SEMA3F: variants seen among roughly 807,000 people sequenced by gnomAD.
SEMA3F encodes the protein semaphorin-3F.
A neutral mutation model predicts 98.5 loss-of-function variants in SEMA3F; 30 were observed. The observed-to-expected ratio is 0.30, with a 90% CI of 0.23 to 0.41. The LOEUF (loss-of-function observed/expected upper bound fraction) is 0.41, where lower values mean the gene tolerates loss of function less well. Ranked by LOEUF, SEMA3F falls within the 10% of genes least tolerant of loss-of-function variation. The probability of loss-of-function intolerance (pLI) is 1.00; values close to 1 mark genes in which losing one functional copy is unlikely to be tolerated. For missense variants in SEMA3F, 866 were observed against 1,119.3 expected, an observed-to-expected ratio of 0.77 and a Z score of 3.23; for synonymous variants, 380 against 444.8, an observed-to-expected ratio of 0.85 and a Z score of 1.83.
chr3:50,157,979 C>G (rs1698060477), intron 1 of SEMA3F, among the ~76,000 whole-genome samples: 1 of 152,238 alleles, frequency 6.6e-6, no homozygotes, highest in Non-Finnish European at 1.5e-5. Context: ...CTGAGCCCCA[C>G]CCCACTAGCA....
Position 50,184,723 on chromosome 3 carries a change from C to T in SEMA3F, c.1365C>T (p.Val455=), listed in dbSNP as rs1020656551. ...CTCTGCAGCGGCGGCCCCTGGTAGTCCGCACAGGTGCTCCCTACCGCCTTA... is the reference window on the plus strand; with the variant it reads ...CTCTGCAGCGGCGGCCCCTGGTAGTTCGCACAGGTGCTCCCTACCGCCTTA... ...VYPLQRRPLV[V]RTGAPYRLTT... Residue 455 remains valine, a synonymous_variant, in exon 13 of 19, where the codon GTC becomes GTT. Transcript: ENST00000002829. The T allele has an allele frequency of 1.8e-5, 29 of 1,614,004 alleles. No homozygotes were observed. The highest frequency in any genetic ancestry group is 2.4e-5 in the Non-Finnish European group (28 of 1,179,976).
chr3:50,178,040 G>A (rs1197884176), intron 7 of SEMA3F, among the ~76,000 whole-genome samples: 2 of 152,068 alleles, frequency 1.3e-5, no homozygotes, highest in South Asian at 2.1e-4. Flanking sequence ...TCAGGAGCTC[G>A]AGACCACCCT....
intron 14 of SEMA3F, 25 bp downstream of exon 14, chr3:50,185,556 G>C (rs1699181400): frequency 1.2e-6 from 2 of 1,612,622 alleles, no homozygotes; most frequent in African/African-American, 2.7e-5. Context: ...ACCCAGTCCT[G>C]ACCTCCCCAC....
At chr3:50,167,565 T>A (rs536393445) in intron 2 of SEMA3F, among the ~76,000 whole-genome samples, 2 of 14,482 alleles carry the variant, frequency 1.4e-4, no homozygotes, top group African/African-American at 2.6e-4. Context: ...CCCTGCCCCC[T>A]GCCCCCAGCC....
Position 50,187,585 on chromosome 3 carries a change from A to G in SEMA3F, c.1948-120A>G, listed in dbSNP as rs1487635361. ...AAACTTCATGTGGTTTTTCTGGCAT[A>G]TGGAAATCCCACATGGGTGCCTCTA... On this transcript the variant is annotated intron_variant, in intron 18 of 18. Coordinates refer to ENST00000002829, the MANE Select transcript of SEMA3F (RefSeq NM_004186.5). 4.9e-5 allele frequency: 34 copies of G among 688,746 alleles called. 1 individual carries two copies. The Admixed American group carries it at 1.1e-3, about 21-fold the overall frequency. The allele number at this position is 688,746 out of a possible 1,614,324, so 42.7% of individuals were successfully genotyped here.
chr3:50,183,703 G>A (rs1699103098), intron 12 of SEMA3F, 139 bp downstream of exon 12: 2 of 862,686 alleles, frequency 2.3e-6, no homozygotes, highest in Non-Finnish European at 3.6e-6. Context: ...CACACAGACG[G>A]GCCTTCACAC....
At position 50,173,972 on chromosome 3, in the gene SEMA3F, G is replaced by T; in HGVS notation, c.273+19G>T. 1 of 1,613,998 alleles carries T rather than the reference G, an allele frequency of 6.2e-7. No individual in the cohort carries two copies. ...CCTCATTGTAAGGGCTGGCCCTGAT[G>T]TGGGACGTGGGGTGGGCACGGAGCC... On this transcript the variant is annotated intron_variant, in intron 3 of 18. Coordinates refer to ENST00000002829, the MANE Select transcript of SEMA3F (RefSeq NM_004186.5).
At position 50,187,256 on chromosome 3, in the gene SEMA3F, C is replaced by T. The variant is rs538268417; in HGVS notation, c.1948-449C>T. ...AGCCTGGGCAACATGGTGAAACCCT[C>T]TCTCTACCAAAAATACAAAAATTAG... On this transcript the variant is annotated intron_variant, in intron 18 of 18. Transcript: ENST00000002829. Among the ~76,000 whole-genome samples, 4 of 152,068 alleles carry T rather than the reference C, an allele frequency of 2.6e-5. No homozygotes were observed. The East Asian group carries it at 5.8e-4, about 22-fold the overall frequency.
chr3:50,182,155 C>T lies in SEMA3F; in HGVS notation c.644-129C>T, dbSNP rs1699036652. The stretch of plus-strand genomic sequence containing the variant: ...AGTGGTGAAACACTGACCAGCACTC[C>T]ACTGGAGATAGGATCATGCCCCAGG... On this transcript the variant is annotated intron_variant, in intron 7 of 18. Coordinates refer to ENST00000002829, the MANE Select transcript of SEMA3F (RefSeq NM_004186.5). The surrounding 1 kb of genome is among the most constrained non-coding windows in gnomAD (Gnocchi z 4.5). 3 of 1,155,408 alleles carry T rather than the reference C, an allele frequency of 2.6e-6. No individual in the cohort carries two copies. In the Admixed American group the frequency reaches 5.8e-5, roughly 22 times the overall value. 71.6% of individuals were successfully genotyped at this position (1,155,408 alleles called of 1,614,324 possible).
intron 7 of SEMA3F, among the ~76,000 whole-genome samples, chr3:50,181,003 G>T (rs543610842): frequency 6.6e-6 from 1 of 151,556 alleles, no homozygotes; most frequent in Admixed American, 6.6e-5. Context: ...GGAGGTGGAG[G>T]TTGTAGTGAG....
In SEMA3F at chr3:50,182,858, T is replaced by G; in HGVS notation, c.904-46T>G. On this transcript the variant is annotated intron_variant, in intron 9 of 18. Transcript: ENST00000002829. The surrounding 1 kb of genome is among the most constrained non-coding windows in gnomAD (Gnocchi z 4.5). ...CATCAGCCCTGCTCCAGCCAGGGCTTGGGGTCAAGAGCTGATCTGACCCGG... is the reference window on the plus strand; with the variant it reads ...CATCAGCCCTGCTCCAGCCAGGGCTGGGGGTCAAGAGCTGATCTGACCCGG... 1 of 1,610,186 alleles carries G rather than the reference T, an allele frequency of 6.2e-7. No homozygotes were observed. Among genetic ancestry groups the G allele is most frequent in the Non-Finnish European group, 8.5e-7 (1 of 1,177,244 alleles).
At chr3:50,163,792 G>A (rs534459976) in intron 2 of SEMA3F, among the ~76,000 whole-genome samples, 1 of 152,318 alleles carries the variant, frequency 6.6e-6, no homozygotes, top group South Asian at 2.1e-4. Context: ...CAAGGGTCAG[G>A]TGGCTCTGGC....
chr3:50,182,250 C>A lies in SEMA3F; in HGVS notation c.644-34C>A. 1 of 1,613,812 alleles carries A rather than the reference C, an allele frequency of 6.2e-7. No homozygotes were observed. Among genetic ancestry groups the A allele is most frequent in the Non-Finnish European group, 8.5e-7 (1 of 1,179,914 alleles). On this transcript the variant is annotated intron_variant, in intron 7 of 18. Coordinates refer to ENST00000002829, the MANE Select transcript of SEMA3F (RefSeq NM_004186.5). The surrounding 1 kb of genome is among the most constrained non-coding windows in gnomAD (Gnocchi z 4.5). ...GCTGTGCCCTGGCCCTAGCAAACAG[C>A]AGCCCCCCAACTGACCCACTGGCCT... is the stretch of plus-strand genomic sequence containing the variant.
chr3:50,161,103 C>T (rs528146114), intron 2 of SEMA3F, among the ~76,000 whole-genome samples: 1 of 152,242 alleles, frequency 6.6e-6, no homozygotes, highest in South Asian at 2.1e-4. Flanking sequence ...AACCCCTCCC[C>T]AGCCCAGGGT....
At chr3:50,172,840 C>T (rs1264103033) in intron 2 of SEMA3F, among the ~76,000 whole-genome samples, 1 of 152,168 alleles carries the variant, frequency 6.6e-6, no homozygotes, top group Admixed American at 6.5e-5. Context: ...CATCCAGGCT[C>T]CATGCCAGAG....
intron 12 of SEMA3F, among the ~76,000 whole-genome samples, chr3:50,183,881 G>C (rs1699111713): frequency 6.6e-6 from 1 of 152,208 alleles, no homozygotes; most frequent in African/African-American, 2.4e-5. Flanking sequence ...GGTTGGCTCA[G>C]CTGAGGAACA....
In SEMA3F at chr3:50,185,873, C is replaced by G. The variant is rs1478671021; in HGVS notation, c.1588-16C>G. On this transcript the variant is annotated splice_polypyrimidine_tract_variant and intron_variant, in intron 15 of 18. Transcript: ENST00000002829. ...CTATGGGACAGGAACTGACAAGGCC[C>G]TACCCTTTGCCCCAGCAACAACTCT... 2 of 1,609,504 alleles carry G rather than the reference C, an allele frequency of 1.2e-6. No individual in the cohort carries two copies. The highest frequency in any genetic ancestry group is 1.7e-6 in the Non-Finnish European group (2 of 1,176,874).
chr3:50,167,899 C>T (rs2109073465), intron 2 of SEMA3F, among the ~76,000 whole-genome samples: 1 of 152,310 alleles, frequency 6.6e-6, no homozygotes, highest in South Asian at 2.1e-4. Context: ...ACCACATTTC[C>T]TAGAGTGGCA....
Position 50,182,263 on chromosome 3 carries a change from G to C in SEMA3F, c.644-21G>C, listed in dbSNP as rs779680467. 6.2e-7 allele frequency: 1 copy of C among 1,613,926 alleles called. No individual in the cohort carries two copies. The highest frequency in any genetic ancestry group is 8.5e-7 in the Non-Finnish European group (1 of 1,179,990). On this transcript the variant is annotated intron_variant, in intron 7 of 18. Coordinates refer to ENST00000002829, the MANE Select transcript of SEMA3F (RefSeq NM_004186.5). This position sits in a 1 kb window ranked among gnomAD's most constrained non-coding sequence, Gnocchi z 4.5. ...CCTAGCAAACAGCAGCCCCCCAACTGACCCACTGGCCTACCCACAGATGAG... is the reference window on the plus strand; with the variant it reads ...CCTAGCAAACAGCAGCCCCCCAACTCACCCACTGGCCTACCCACAGATGAG...
Sources: allele counts gnomAD v4.1 joint callset (sites outside exome capture counted in the v4.1 genomes callset), GRCh38; gene constraint gnomAD v4.1.1; non-coding constraint Gnocchi (gnomAD v3.1); transcripts MANE v1.5; gene names NCBI Gene and HGNC (gene_info 2026-07-23, HGNC 2026-07-21).